SCAMP1: variants seen among roughly 807,000 people sequenced by gnomAD.
SCAMP1 encodes secretory carrier-associated membrane protein 1.
A neutral mutation model predicts 41.8 loss-of-function variants in SCAMP1; 15 were observed. The observed-to-expected ratio is 0.36, with a 90% CI of 0.24 to 0.55. SCAMP1 has a LOEUF of 0.55. SCAMP1 is among the 20% of genes least tolerant of loss of function. The pLI, the probability that SCAMP1 is intolerant of heterozygous loss-of-function variation, is 0.86. For missense variants in SCAMP1, 341 were observed against 412.6 expected (o/e 0.83, Z 1.50); for synonymous variants, 135 against 136.8 (o/e 0.99, Z 0.09).
intron 7 of SCAMP1, among the ~76,000 whole-genome samples, chr5:78,450,882 C>G (rs558176451): frequency 1.6e-4 from 24 of 152,286 alleles, no homozygotes; most frequent in African/African-American, 5.1e-4. Context: ...CCTGGCAGTT[C>G]TGCAGAGCTC....
chr5:78,460,816 C>CTTTCTTT (rs1325107681), intron 8 of SCAMP1, among the ~76,000 whole-genome samples: 1 of 26,744 alleles, frequency 3.7e-5, no homozygotes, highest in Non-Finnish European at 1.3e-4. Flanking sequence ...TCCCTTCCTT[C>CTTTCTTT]CTTCCTTTCT....
At chr5:78,428,704 T>G (rs1007364904) in intron 6 of SCAMP1, among the ~76,000 whole-genome samples, 3 of 152,114 alleles carry the variant, frequency 2.0e-5, no homozygotes, top group African/African-American at 7.2e-5. Context: ...TGTAAGCCAG[T>G]TTGGGGAGAA....
chr5:78,411,813 A>G (rs570317464), intron 2 of SCAMP1, among the ~76,000 whole-genome samples: 1 of 152,252 alleles, frequency 6.6e-6, no homozygotes, highest in African/African-American at 2.4e-5. Context: ...ATAGGGTATA[A>G]ATACTTCTAT....
intron 2 of SCAMP1, among the ~76,000 whole-genome samples, chr5:78,391,058 A>G (rs1036600643): frequency 6.6e-6 from 1 of 151,522 alleles, no homozygotes; most frequent in Non-Finnish European, 1.5e-5. Flanking sequence ...ACTTCTTTCT[A>G]CACAGACATG....
intron 6 of SCAMP1, among the ~76,000 whole-genome samples, chr5:78,424,583 T>A (rs1752419960): frequency 6.6e-6 from 1 of 152,030 alleles, no homozygotes; most frequent in South Asian, 2.1e-4. Flanking sequence ...TACAAAAAAT[T>A]AGCTGAGTAT....
intron 8 of SCAMP1, among the ~76,000 whole-genome samples, chr5:78,469,850 G>A (rs1359964088): frequency 3.0e-5 from 4 of 134,362 alleles, no homozygotes; most frequent in Admixed American, 1.7e-4. Flanking sequence ...ATCAGCCTGG[G>A]CAACATAATG....
intron 7 of SCAMP1, among the ~76,000 whole-genome samples, chr5:78,450,642 T>G (rs995190771): frequency 6.6e-6 from 1 of 152,118 alleles, no homozygotes; most frequent in African/African-American, 2.4e-5. Flanking sequence ...ATTCCTTGAG[T>G]GAAATGGTGG....
intron 7 of SCAMP1, among the ~76,000 whole-genome samples, chr5:78,454,070 A>C (rs1228701320): frequency 6.6e-6 from 1 of 152,244 alleles, no homozygotes; most frequent in African/African-American, 2.4e-5. Flanking sequence ...TCTCAGCTTA[A>C]GGAGATTTTG....
intron 6 of SCAMP1, among the ~76,000 whole-genome samples, chr5:78,438,620 T>A (rs1436358738): frequency 1.3e-5 from 2 of 152,142 alleles, no homozygotes; most frequent in African/African-American, 4.8e-5. Context: ...TGCTGAGGAG[T>A]GCTTTACTTC....
intron 6 of SCAMP1, among the ~76,000 whole-genome samples, chr5:78,440,232 A>G (rs952876225): frequency 6.6e-6 from 1 of 152,126 alleles, no homozygotes; most frequent in Non-Finnish European, 1.5e-5. Flanking sequence ...TTCTCCGTTC[A>G]GCTTTGTTCC....
chr5:78,413,581 C>T (rs1176664129), intron 2 of SCAMP1, among the ~76,000 whole-genome samples: 1 of 152,062 alleles, frequency 6.6e-6, no homozygotes, highest in African/African-American at 2.4e-5. Flanking sequence ...CCATGCCTGT[C>T]TAATTTTTTG....
chr5:78,445,586 G>A (rs146608834), intron 6 of SCAMP1, among the ~76,000 whole-genome samples: 3 of 151,898 alleles, frequency 2.0e-5, no homozygotes, highest in Non-Finnish European at 2.9e-5. Context: ...CTTCCTGCAC[G>A]CAAGACCCAC....
At chr5:78,454,524 G>T (rs1184387199) in intron 7 of SCAMP1, among the ~76,000 whole-genome samples, 2 of 151,698 alleles carry the variant, frequency 1.3e-5, no homozygotes, top group South Asian at 2.1e-4. Flanking sequence ...TGCATCCCAG[G>T]GATGAAGCCC....
intron 2 of SCAMP1, among the ~76,000 whole-genome samples, chr5:78,391,440 G>A (rs1386827698): frequency 6.6e-6 from 1 of 151,498 alleles, no homozygotes; most frequent in East Asian, 2.0e-4. Flanking sequence ...CGGACAGGGC[G>A]GCTGGCCTGG....
chr5:78,363,986 A>T (rs1750731447), intron 1 of SCAMP1, among the ~76,000 whole-genome samples: 4 of 152,126 alleles, frequency 2.6e-5, no homozygotes, highest in Admixed American at 2.6e-4. Flanking sequence ...CTGAGGATCC[A>T]CTCTTGAGCT....
At chr5:78,404,702 G>T (rs535379456) in intron 2 of SCAMP1, among the ~76,000 whole-genome samples, 1 of 152,228 alleles carries the variant, frequency 6.6e-6, no homozygotes, top group Admixed American at 6.5e-5. Context: ...GGTGAGTTAG[G>T]CTCTGATAAG....
Position 78,415,606 on chromosome 5 carries a change from A to G in SCAMP1, c.222A>G (p.Thr74=). 1 of 1,593,638 alleles carries G rather than the reference A, an allele frequency of 6.3e-7. No homozygotes were observed. The highest frequency in any genetic ancestry group is 8.6e-7 in the Non-Finnish European group (1 of 1,167,106). ...MKPTEEHPAY[T]QIAKEHALAQ... is the part of the protein sequence containing the mutation. ...CAACAGAGGAACATCCAGCTTATAC[A>G]CAGATTGCAAAGGTTAGTTCATGTT... Residue 74 remains threonine, a synonymous_variant, in exon 3 of 9, where the codon ACA becomes ACG. Transcript: ENST00000621999.
intron 7 of SCAMP1, among the ~76,000 whole-genome samples, chr5:78,451,428 A>G (rs1753222724): frequency 6.6e-6 from 1 of 152,190 alleles, no homozygotes. Context: ...TCATCACCAG[A>G]GGATTCCTCA....
chr5:78,373,067 G>A (rs561856343), intron 1 of SCAMP1, among the ~76,000 whole-genome samples: 1 of 152,104 alleles, frequency 6.6e-6, no homozygotes. Context: ...CAAACCTTAA[G>A]CAGTGTGGTT....
Sources: gnomAD v4.1 joint callset for allele counts (sites outside exome capture counted in the v4.1 genomes callset) on GRCh38, gnomAD v4.1.1 for gene constraint, MANE v1.5 for transcripts, NCBI Gene and HGNC (gene_info 2026-07-23, HGNC 2026-07-21) for gene names.